Variants in PDS5B observed in about 807,000 individuals in gnomAD.
The protein encoded by PDS5B is sister chromatid cohesion protein PDS5 homolog B.
PDS5B carries 51 observed loss-of-function variants against 184.1 expected under a neutral mutation model. That is an observed-to-expected ratio of 0.28 (90% CI 0.22 to 0.35). The LOEUF is 0.35. PDS5B is among the 10% of genes least tolerant of loss of function. PDS5B has a pLI of 1.00. For missense variants in PDS5B, 1,180 were observed against 1,723.3 expected (o/e 0.68, Z 5.58); for synonymous variants, 566 against 569.2 (o/e 0.99, Z 0.08).
intron 1 of PDS5B, among the ~76,000 whole-genome samples, chr13:32,638,430 A>T (rs1041823655): frequency 1.3e-5 from 2 of 152,136 alleles, no homozygotes; most frequent in Non-Finnish European, 2.9e-5. Flanking sequence ...GCGGGTGGGG[A>T]ACTCTTTGGA....
intron 1 of PDS5B, among the ~76,000 whole-genome samples, chr13:32,630,253 A>G (rs2058434414): frequency 6.6e-6 from 1 of 152,162 alleles, no homozygotes; most frequent in Non-Finnish European, 1.5e-5. Context: ...CCTGAAGACC[A>G]TTTATGGGTT....
At chr13:32,672,802 A>G (rs1317919155) in intron 7 of PDS5B, among the ~76,000 whole-genome samples, 4 of 152,154 alleles carry the variant, frequency 2.6e-5, no homozygotes, top group African/African-American at 4.8e-5. Context: ...CACTCAGTCT[A>G]CAAGCCAATC....
rs1394012745 is a variant in PDS5B at position 32,777,896 on chromosome 13, T to A, written c.*2844T>A. The stretch of plus-strand genomic sequence containing the variant: ...TCAGGAATTTAAGAATTTGTTTAAA[T>A]TAGGCATATCTCTGCCATCACATAG... On this transcript the variant is annotated 3_prime_UTR_variant, in exon 35 of 35. Coordinates refer to ENST00000315596, the MANE Select transcript of PDS5B (RefSeq NM_015032.4). 2 of 152,474 alleles carry A rather than the reference T, an allele frequency of 1.3e-5. No individual in the cohort carries two copies. The highest frequency in any genetic ancestry group is 2.9e-5 in the Non-Finnish European group (2 of 67,874). 9.4% of individuals were successfully genotyped at this position (152,474 alleles called of 1,614,324 possible).
Position 32,716,814 on chromosome 13 carries a change from G to A in PDS5B, c.2123+6708G>A, listed in dbSNP as rs1445376388. On this transcript the variant is annotated intron_variant, in intron 19 of 34. Coordinates refer to ENST00000315596, the MANE Select transcript of PDS5B (RefSeq NM_015032.4). ...AGGTGGGGGGGTCAGCCCCCTGCCC[G>A]GCCAGCCGCCCTGTCTGGGAGGGAG... Among the ~76,000 whole-genome samples the A allele has an allele frequency of 1.3e-4, 17 of 135,172 alleles. 1 individual carries two copies. Among genetic ancestry groups the A allele is most frequent in the Non-Finnish European group, 2.0e-4 (12 of 59,938 alleles). 88.7% of individuals were successfully genotyped at this position (135,172 alleles called of 152,430 possible). A position where few individuals can be genotyped will look rare whatever the true frequency, so the allele number is the denominator to read the frequency against.
chr13:32,755,417 A>G (rs1160065976), intron 25 of PDS5B, among the ~76,000 whole-genome samples: 1 of 152,180 alleles, frequency 6.6e-6, no homozygotes, highest in Non-Finnish European at 1.5e-5. Context: ...TCTGAAAAAT[A>G]CTAGATGTTA....
At chr13:32,650,299 TC>T (rs1251973924) in intron 2 of PDS5B, 2 of 152,334 alleles carry the variant, frequency 1.3e-5, no homozygotes, top group East Asian at 3.8e-4. Context: ...GACATTTATG[TC>T]TAGCAGTAAT....
chr13:32,686,392 T>C (rs1951391435), intron 11 of PDS5B, among the ~76,000 whole-genome samples: 3 of 152,208 alleles, frequency 2.0e-5, no homozygotes, highest in Admixed American at 1.3e-4. Flanking sequence ...ATTACTATTA[T>C]TTGTAATAGT....
At position 32,601,822 on chromosome 13, in the gene PDS5B, AG is replaced by A. The variant is rs886606320; in HGVS notation, c.-20+15232del. 5.7e-4 allele frequency among the ~76,000 whole-genome samples: 87 copies of A among 152,340 alleles called. 3 individuals carry two copies. Among genetic ancestry groups the A allele is most frequent in the Admixed American group, 5.7e-3 (87 of 15,298 alleles). On this transcript the variant is annotated intron_variant, in intron 1 of 34. Transcript: ENST00000315596. Reference sequence around the variant, plus strand: ...AGATTAAAGAAAAGGTATATTCAAGAGGGAACTACATTGAATTGGTTTTAGA... The same window carrying A: ...AGATTAAAGAAAAGGTATATTCAAGAGGAACTACATTGAATTGGTTTTAGA...
chr13:32,641,780 T>A (rs1950096990), intron 1 of PDS5B, among the ~76,000 whole-genome samples: 1 of 152,184 alleles, frequency 6.6e-6, no homozygotes, highest in Non-Finnish European at 1.5e-5. Context: ...AACAATAAAT[T>A]GTTCTAAAAA....
intron 1 of PDS5B, among the ~76,000 whole-genome samples, chr13:32,603,340 T>C (rs2058008009): frequency 6.6e-6 from 1 of 152,250 alleles, no homozygotes. Context: ...CAGTACCATT[T>C]ATTAAATAGG....
chr13:32,621,709 T>A (rs1026931598), intron 1 of PDS5B, among the ~76,000 whole-genome samples: 10 of 152,236 alleles, frequency 6.6e-5, no homozygotes, highest in African/African-American at 2.4e-4. Context: ...AAATAGCACA[T>A]TTATTGGCAT....
chr13:32,588,757 C>A (rs1258625451), intron 1 of PDS5B, among the ~76,000 whole-genome samples: 1 of 152,164 alleles, frequency 6.6e-6, no homozygotes, highest in African/African-American at 2.4e-5. Flanking sequence ...AAGATTCTAC[C>A]GAGTTGGCTG....
At chr13:32,756,243 T>A (rs188439927) in intron 26 of PDS5B, among the ~76,000 whole-genome samples, 2 of 152,304 alleles carry the variant, frequency 1.3e-5, no homozygotes, top group Admixed American at 1.3e-4. Context: ...TTCCATTTCT[T>A]ATCTTTTCCT....
chr13:32,613,068 A>G (rs1389203340), intron 1 of PDS5B, among the ~76,000 whole-genome samples: 2 of 152,274 alleles, frequency 1.3e-5, no homozygotes, highest in East Asian at 1.9e-4. Context: ...ATGTTTTAGC[A>G]TGTATCAGTA....
At chr13:32,763,628 G>A (rs138019404) in intron 30 of PDS5B, 8 of 151,874 alleles carry the variant, frequency 5.3e-5, no homozygotes, top group African/African-American at 1.9e-4. Context: ...GGAAAGGGAC[G>A]ATTTAAGGGT....
rs544635158 is a variant in PDS5B at position 32,669,108 on chromosome 13, T to A, written c.705+1264T>A. The stretch of plus-strand genomic sequence containing the variant: ...AAATTGGTTGGATTGAGTTTTTTCA[T>A]CATTGGCTTAGTGGCACTTGAAGTG... On this transcript the variant is annotated intron_variant, in intron 7 of 34. Coordinates refer to ENST00000315596, the MANE Select transcript of PDS5B (RefSeq NM_015032.4). 7.2e-5 allele frequency among the ~76,000 whole-genome samples: 11 copies of A among 152,270 alleles called. No individual in the cohort carries two copies. In the East Asian group the frequency reaches 1.7e-3, roughly 24 times the overall value.
intron 29 of PDS5B, among the ~76,000 whole-genome samples, 167 bp downstream of exon 29, chr13:32,759,857 A>G (rs893337012): frequency 3.3e-5 from 5 of 152,210 alleles, no homozygotes; most frequent in African/African-American, 1.2e-4. Flanking sequence ...TATTTACTAG[A>G]TATACACAAG....
chr13:32,604,532 C>T (rs910907829), intron 1 of PDS5B, among the ~76,000 whole-genome samples: 2 of 152,102 alleles, frequency 1.3e-5, no homozygotes, highest in African/African-American at 4.8e-5. Context: ...GTCTAAAATT[C>T]TCTTTTTTTG....
chr13:32,763,175 G>C (rs1451405071), intron 30 of PDS5B, among the ~76,000 whole-genome samples: 1 of 152,108 alleles, frequency 6.6e-6, no homozygotes, highest in Non-Finnish European at 1.5e-5. Context: ...AGGAAGTTGA[G>C]AGGTAGTCTG....
Sources: allele counts gnomAD v4.1 joint callset (sites outside exome capture counted in the v4.1 genomes callset), GRCh38; gene constraint gnomAD v4.1.1; transcripts MANE v1.5; gene names NCBI Gene and HGNC (gene_info 2026-07-23, HGNC 2026-07-21).